The following SPTB variants were observed in gnomAD, a reference collection of about 807,000 sequenced individuals.
SPTB encodes spectrin beta, erythrocytic.
Under a neutral mutation model 256.2 loss-of-function variants are expected in SPTB, and 45 were observed. That is an observed-to-expected ratio of 0.18 (90% confidence interval 0.14 to 0.23). SPTB has a LOEUF of 0.23. Among genes scored for constraint, SPTB ranks in the 10% least tolerant of loss-of-function variants. The probability of loss-of-function intolerance (pLI) is 1.00; values close to 1 mark genes in which losing one functional copy is unlikely to be tolerated. For missense variants in SPTB, 2,715 were observed against 3,040.4 expected, an observed-to-expected ratio of 0.89 and a Z score of 2.52; for synonymous variants, 1,231 against 1,243.1, an observed-to-expected ratio of 0.99 and a Z score of 0.21.
At chr14:64,834,778 C>T (rs2083497727) in intron 1 of SPTB, among the ~76,000 whole-genome samples, 1 of 142,336 alleles carries the variant, frequency 7.0e-6, no homozygotes, top group African/African-American at 2.9e-5. Flanking sequence ...CAACCCATGC[C>T]TCAATTTCCT....
chr14:64,813,805 C>T (rs185548355), intron 2 of SPTB, among the ~76,000 whole-genome samples: 151 of 152,322 alleles, frequency 9.9e-4, no homozygotes, highest in South Asian at 2.1e-4. Context: ...GGATTATAGG[C>T]GTGAGCCACC....
rs532663085 is a variant in SPTB at position 64,812,525 on chromosome 14, C to T, written c.149-7435G>A. Among the ~76,000 whole-genome samples the T allele has an allele frequency of 2.0e-5, 3 of 152,276 alleles. No homozygotes were observed. The East Asian group carries it at 5.8e-4, about 29-fold the overall frequency. On this transcript the variant is annotated intron_variant, in intron 2 of 35. Coordinates refer to ENST00000644917, the MANE Select transcript of SPTB (RefSeq NM_001355436.2). ...CTTCTGAGGTTCTGCCCTCTGAATA[C>T]TCCCTATGGGGGTTTAAAGCATAAA...
chr14:64,847,205 AAC>A lies in SPTB; in HGVS notation c.-51-24062_-51-24061del, dbSNP rs548940365. Among the ~76,000 whole-genome samples, 1 of 152,218 alleles carries A rather than the reference AAC, an allele frequency of 6.6e-6. No homozygotes were observed. Among genetic ancestry groups the A allele is most frequent in the Non-Finnish European group, 1.5e-5 (1 of 68,034 alleles). ...AAATTAAAACAGAATTTCACTAGGA[AAC>A]AGTGACCCCAAAGGCCAGCGAAGAC... On this transcript the variant is annotated intron_variant, in intron 1 of 35. Transcript: ENST00000644917. The surrounding 1 kb of genome is among the most constrained non-coding windows in gnomAD (Gnocchi z 5.9).
At position 64,782,428 on chromosome 14, in the gene SPTB, C is replaced by G. The variant is rs749838545; in HGVS notation, c.4128G>C (p.Ser1376=). 3 of 1,614,108 alleles carry G rather than the reference C, an allele frequency of 1.9e-6. No homozygotes were observed. The highest frequency in any genetic ancestry group is 2.5e-6 in the Non-Finnish European group (3 of 1,180,036). Residue 1376 remains serine (S), a synonymous_variant, in exon 20 of 36, where the codon TCG becomes TCC. Coordinates refer to ENST00000644917, the MANE Select transcript of SPTB (RefSeq NM_001355436.2). ...AGCGCAGGTCGGAGCTCCTGGCAGC[C>G]GAGAGGTGCTGGGTCTTCTCCTTTG... ...ATTKEKTQHL[S]AARSSDLRLQ...
chr14:64,869,371 AT>A (rs1882384184), intron 1 of SPTB, among the ~76,000 whole-genome samples: 1 of 152,122 alleles, frequency 6.6e-6, no homozygotes, highest in African/African-American at 2.4e-5. Flanking sequence ...TCATTCTTTA[AT>A]TTTTTATGAG....
At chr14:64,753,958 T>TG in intron 32 of SPTB, 165 bp from the exon 33 acceptor site, 1 of 861,802 alleles carries the variant, frequency 1.2e-6, no homozygotes, top group East Asian at 2.6e-5. Flanking sequence ...CAACCTGCTA[T>TG]GGGTGCCCCC....
In SPTB at chr14:64,779,895, G is replaced by C. The variant is rs1277028532; in HGVS notation, c.4303C>G (p.Leu1435Val). Residue 1435 changes from leucine to valine, a missense_variant, in exon 21 of 36, where the codon CTG becomes GTG. By Grantham distance (32) the Leu-to-Val change is conservative (BLOSUM62 1). Transcript: ENST00000644917. The surrounding 1 kb of genome is among the most constrained non-coding windows in gnomAD (Gnocchi z 4.2). ...EDQVNVRKEE[L>V]GELFAQVPSM... ...GGCACCTGGGCAAACAGCTCCCCCA[G>C]CTCCTCTTTTCGCACATTCACTTGG... The C allele has an allele frequency of 6.2e-7, 1 of 1,613,914 alleles. No individual in the cohort carries two copies. Among genetic ancestry groups the C allele is most frequent in the African/African-American group, 1.3e-5 (1 of 75,004 alleles).
intron 1 of SPTB, among the ~76,000 whole-genome samples, chr14:64,838,150 C>T (rs892231346): frequency 6.6e-6 from 1 of 152,144 alleles, no homozygotes; most frequent in Admixed American, 6.5e-5. Flanking sequence ...ACAAAAACAA[C>T]TTGATGGAGA....
At chr14:64,836,527 G>A (rs2083525516) in intron 1 of SPTB, among the ~76,000 whole-genome samples, 1 of 152,092 alleles carries the variant, frequency 6.6e-6, no homozygotes, top group South Asian at 2.1e-4. Context: ...GGTACGGTCG[G>A]TGGGGTTTAT....
At chr14:64,812,407 C>T (rs2083106546) in intron 2 of SPTB, among the ~76,000 whole-genome samples, 1 of 152,138 alleles carries the variant, frequency 6.6e-6, no homozygotes. Flanking sequence ...GAGAGCAAGG[C>T]TGATGGCAGG....
chr14:64,832,426 T>G (rs535806184), intron 1 of SPTB, among the ~76,000 whole-genome samples: 6 of 152,352 alleles, frequency 3.9e-5, no homozygotes, highest in Admixed American at 3.9e-4. Context: ...TGTGGGCTAC[T>G]CTTCCTTGGC....
intron 7 of SPTB, among the ~76,000 whole-genome samples, 177 bp downstream of exon 7, chr14:64,801,108 T>A (rs924948371): frequency 6.6e-6 from 1 of 152,186 alleles, no homozygotes; most frequent in Non-Finnish European, 1.5e-5. Flanking sequence ...GGAACCAGCA[T>A]GGAGCAGAGA....
At position 64,826,686 on chromosome 14, in the gene SPTB, C is replaced by T. The variant is rs1306753065; in HGVS notation, c.-51-3541G>A. On this transcript the variant is annotated intron_variant, in intron 1 of 35. Coordinates refer to ENST00000644917, the MANE Select transcript of SPTB (RefSeq NM_001355436.2). This position sits in a 1 kb window ranked among gnomAD's most constrained non-coding sequence, Gnocchi z 4.4. ...TCCCCCAAAATTCCTTCTCTGAACC[C>T]ACCTGACCCTCGTCAAAGTGTAGGT... 6.6e-6 allele frequency among the ~76,000 whole-genome samples: 1 copy of T among 152,144 alleles called. No individual in the cohort carries two copies. The highest frequency in any genetic ancestry group is 1.5e-5 in the Non-Finnish European group (1 of 68,020).
At position 64,785,523 on chromosome 14, in the gene SPTB, T is replaced by A. The variant is rs373051053; in HGVS notation, c.3855+14A>T. On this transcript the variant is annotated intron_variant, in intron 18 of 35. Coordinates refer to ENST00000644917, the MANE Select transcript of SPTB (RefSeq NM_001355436.2). This position sits in a 1 kb window ranked among gnomAD's most constrained non-coding sequence, Gnocchi z 4.4. ...AATCTCCAGGAAAGCAGCCACTCCTTGCTGGAGCCTCACCTCCTGGCAGTT... is the reference window on the plus strand; with the variant it reads ...AATCTCCAGGAAAGCAGCCACTCCTAGCTGGAGCCTCACCTCCTGGCAGTT... The A allele has an allele frequency of 5.0e-6, 8 of 1,607,768 alleles. No individual in the cohort carries two copies. Among genetic ancestry groups the A allele is most frequent in the African/African-American group, 1.3e-5 (1 of 74,874 alleles).
intron 8 of SPTB, among the ~76,000 whole-genome samples, 196 bp downstream of exon 8, chr14:64,800,560 A>G (rs1175673342): frequency 6.6e-6 from 1 of 152,198 alleles, no homozygotes; most frequent in East Asian, 1.9e-4. Flanking sequence ...CAGCTGTGGT[A>G]CCTTTCAGGA....
At position 64,874,103 on chromosome 14, in the gene SPTB, C is replaced by T. The variant is rs920290313; in HGVS notation, c.-52+5689G>A. Among the ~76,000 whole-genome samples, 12 of 152,276 alleles carry T rather than the reference C, an allele frequency of 7.9e-5. No homozygotes were observed. The South Asian group carries it at 2.1e-3, about 26-fold the overall frequency. ...CTCAAACTTCTTCACAGGCTGAACC[C>T]CAACCACCTTTCTGGTCACACTTCT... On this transcript the variant is annotated intron_variant, in intron 1 of 35. Transcript: ENST00000644917.
chr14:64,864,600 C>A (rs1882050093), intron 1 of SPTB, among the ~76,000 whole-genome samples: 1 of 152,122 alleles, frequency 6.6e-6, no homozygotes, highest in South Asian at 2.1e-4. Flanking sequence ...TATACCTACA[C>A]AAACACATAT....
At chr14:64,771,830 C>T (rs1247778609) in intron 26 of SPTB, among the ~76,000 whole-genome samples, 1 of 152,210 alleles carries the variant, frequency 6.6e-6, no homozygotes, top group Non-Finnish European at 1.5e-5. Context: ...AACCAGGGGC[C>T]CAGCCAACCC....
chr14:64,806,314 G>A lies in SPTB; in HGVS notation c.149-1224C>T, dbSNP rs945240157. 1.3e-5 allele frequency among the ~76,000 whole-genome samples: 2 copies of A among 152,206 alleles called. No homozygotes were observed. The highest frequency in any genetic ancestry group is 4.8e-5 in the African/African-American group (2 of 41,456). Reference sequence around the variant, plus strand: ...ACTTAGGTTTGAAGATTCAGGGAAGGAGGTGACTTGGCAGTGAGGCTGGGC... The same window carrying A: ...ACTTAGGTTTGAAGATTCAGGGAAGAAGGTGACTTGGCAGTGAGGCTGGGC... On this transcript the variant is annotated intron_variant, in intron 2 of 35. Coordinates refer to ENST00000644917, the MANE Select transcript of SPTB (RefSeq NM_001355436.2). This position sits in a 1 kb window ranked among gnomAD's most constrained non-coding sequence, Gnocchi z 4.1.
Sources: gnomAD v4.1 joint callset for allele counts (sites outside exome capture counted in the v4.1 genomes callset) on GRCh38, gnomAD v4.1.1 for gene constraint, Gnocchi (gnomAD v3.1) non-coding constraint, MANE v1.5 for transcripts, NCBI Gene and HGNC (gene_info 2026-07-23, HGNC 2026-07-21) for gene names.